The following COL19A1 variants were observed in gnomAD, a reference collection of about 807,000 sequenced individuals.
The protein encoded by COL19A1 is collagen type XIX alpha 1 chain, also known as collagen alpha-1(XIX) chain.
In COL19A1, 159 loss-of-function variants were observed where a neutral mutation model predicts 190.2. The observed-to-expected ratio is 0.84, with a 90% CI of 0.73 to 0.95. The LOEUF (loss-of-function observed/expected upper bound fraction) is 0.95, where lower values mean the gene tolerates loss of function less well. COL19A1 is among the 40% of genes least tolerant of loss of function. The probability of loss-of-function intolerance (pLI) is 0.00; values close to 1 mark genes in which losing one functional copy is unlikely to be tolerated. For missense variants in COL19A1, 1,418 were observed against 1,431.9 expected (o/e 0.99, Z 0.16); for synonymous variants, 509 against 458.9 (o/e 1.11, Z -1.39).
chr6:69,868,259 G>A (rs1471792863), intron 1 of COL19A1, among the ~76,000 whole-genome samples: 1 of 151,662 alleles, frequency 6.6e-6, no homozygotes, highest in African/African-American at 2.4e-5. Flanking sequence ...GCATCTCCTT[G>A]TTTTTGAGTG....
At chr6:69,877,950 G>T (rs1380734830) in intron 1 of COL19A1, among the ~76,000 whole-genome samples, 1 of 151,994 alleles carries the variant, frequency 6.6e-6, no homozygotes, top group Non-Finnish European at 1.5e-5. Flanking sequence ...AGTGGAGGTT[G>T]CAGTGAGCCG....
intron 15 of COL19A1, among the ~76,000 whole-genome samples, chr6:70,086,218 C>T (rs1251709388): frequency 4.6e-5 from 7 of 152,044 alleles, no homozygotes; most frequent in African/African-American, 1.7e-4. Flanking sequence ...CTATCCACAA[C>T]AGAATTCAGC....
intron 31 of COL19A1, among the ~76,000 whole-genome samples, chr6:70,152,262 C>T (rs1221360078): frequency 6.6e-6 from 1 of 151,906 alleles, no homozygotes; most frequent in Non-Finnish European, 1.5e-5. Context: ...ACACAGACTA[C>T]AGTTATATAT....
chr6:69,896,970 G>A (rs1455579854), intron 2 of COL19A1, among the ~76,000 whole-genome samples: 1 of 152,082 alleles, frequency 6.6e-6, no homozygotes, highest in Non-Finnish European at 1.5e-5. Context: ...TGCCTTTTGA[G>A]TAAAGATGTT....
At chr6:69,902,312 G>A (rs995883530) in intron 4 of COL19A1, among the ~76,000 whole-genome samples, 2 of 152,174 alleles carry the variant, frequency 1.3e-5, no homozygotes, top group Admixed American at 6.5e-5. Flanking sequence ...TATTTTATAT[G>A]GAAAATGGGG....
At chr6:70,091,862 G>T (rs553109004) in intron 15 of COL19A1, among the ~76,000 whole-genome samples, 4 of 152,272 alleles carry the variant, frequency 2.6e-5, no homozygotes, top group African/African-American at 7.2e-5. Context: ...CTGAGGGAAG[G>T]TAAATTGTAA....
rs142203030 is a variant in COL19A1 at position 70,105,196 on chromosome 6, G to A, written c.1278+2974G>A. On this transcript the variant is annotated intron_variant, in intron 16 of 50. Transcript: ENST00000620364. ...AAATTAGGAAAAAATCTATGCAGAA[G>A]ACAAAGTGTTTACTTTGGTGGCATG... Among the ~76,000 whole-genome samples, 666 of 152,210 alleles carry A rather than the reference G, an allele frequency of 4.4e-3. 9 individuals are homozygous for A. Among genetic ancestry groups the A allele is most frequent in the African/African-American group, 0.015 (629 of 41,536 alleles).
chr6:70,155,214 A>G (rs1003479089), intron 31 of COL19A1, among the ~76,000 whole-genome samples: 1 of 152,146 alleles, frequency 6.6e-6, no homozygotes, highest in Non-Finnish European at 1.5e-5. Context: ...CTTCTTATCA[A>G]TAACAAGCTT....
At chr6:70,079,566 G>A (rs1295931758) in intron 15 of COL19A1, among the ~76,000 whole-genome samples, 1 of 152,158 alleles carries the variant, frequency 6.6e-6, no homozygotes. Context: ...AGAAAAGTGG[G>A]AGAATAAGAA....
chr6:70,000,661 G>A (rs557177599), intron 11 of COL19A1, among the ~76,000 whole-genome samples: 4 of 152,272 alleles, frequency 2.6e-5, no homozygotes, highest in South Asian at 2.1e-4. Context: ...CCACATAAAC[G>A]TCTTCTTTTG....
Position 70,165,819 on chromosome 6 carries a change from T to C in COL19A1, c.2401-122T>C, listed in dbSNP as rs1245884699. 4.4e-6 allele frequency: 4 copies of C among 907,994 alleles called. No individual in the cohort carries two copies. In the African/African-American group the frequency reaches 6.6e-5, roughly 15 times the overall value. The allele number at this position is 907,994 out of a possible 1,614,324, so 56.2% of individuals were successfully genotyped here. On this transcript the variant is annotated intron_variant, in intron 36 of 50. Coordinates refer to ENST00000620364, the MANE Select transcript of COL19A1 (RefSeq NM_001858.6). Reference sequence around the variant, plus strand: ...GCCCAGCTGAATAAGACTACAAGGCTGAAACAACATGGCAAGTCATATCGA... The same window carrying C: ...GCCCAGCTGAATAAGACTACAAGGCCGAAACAACATGGCAAGTCATATCGA...
At chr6:70,157,097 C>T (rs1167851944) in intron 34 of COL19A1, among the ~76,000 whole-genome samples, 12 of 152,070 alleles carry the variant, frequency 7.9e-5, no homozygotes, top group Admixed American at 7.9e-4. Context: ...GGACAACCAG[C>T]CTAGCAGTAA....
At chr6:70,144,164 A>G (rs758526856) in intron 23 of COL19A1, 46 bp from the exon 24 acceptor site, 2 of 1,482,752 alleles carry the variant, frequency 1.3e-6, no homozygotes, top group South Asian at 2.3e-5. Context: ...ATGTTATTGT[A>G]AGAGATGTTC....
chr6:69,980,102 G>T (rs936868322), intron 11 of COL19A1, among the ~76,000 whole-genome samples: 1 of 151,904 alleles, frequency 6.6e-6, no homozygotes, highest in Non-Finnish European at 1.5e-5. Context: ...ACTAAAAATA[G>T]TCAAAAATTT....
At chr6:70,180,900 AGTTATT>A (rs1404829227) in intron 44 of COL19A1, among the ~76,000 whole-genome samples, 5 of 152,204 alleles carry the variant, frequency 3.3e-5, no homozygotes, top group African/African-American at 1.2e-4. Flanking sequence ...CTAAAGTAGA[AGTTATT>A]TTCTCAAATT....
rs1462668759 is a variant in COL19A1 at position 70,140,997 on chromosome 6, G to T, written c.1482+8G>T. The T allele has an allele frequency of 6.2e-7, 1 of 1,607,488 alleles. No individual in the cohort carries two copies. Among genetic ancestry groups the T allele is most frequent in the South Asian group, 1.1e-5 (1 of 90,562 alleles). ...GGAGAAAAAGGAGATAGAGTAAGTA[G>T]ATATTTTATCACTACCTTGGGTTTT... On this transcript the variant is annotated splice_region_variant and intron_variant, in intron 20 of 50. Transcript: ENST00000620364.
Position 70,152,819 on chromosome 6 carries a change from A to G in COL19A1, c.2079+1381A>G, listed in dbSNP as rs150005244. Among the ~76,000 whole-genome samples, 35 of 152,288 alleles carry G rather than the reference A, an allele frequency of 2.3e-4. No homozygotes were observed. In the East Asian group the frequency reaches 6.8e-3, roughly 29 times the overall value. ...ATAGCAGGATTGCCGGAGTTATATC[A>G]TTTCAGAATACTTAGGGTTCTTTAA... is the stretch of plus-strand genomic sequence containing the variant. On this transcript the variant is annotated intron_variant, in intron 31 of 50. Transcript: ENST00000620364.
intron 15 of COL19A1, among the ~76,000 whole-genome samples, chr6:70,077,721 A>G (rs1781963646): frequency 6.6e-6 from 1 of 152,198 alleles, no homozygotes; most frequent in Non-Finnish European, 1.5e-5. Context: ...GATGTTAACA[A>G]TGTGTCTATG....
At chr6:70,038,847 T>C (rs1779488059) in intron 14 of COL19A1, among the ~76,000 whole-genome samples, 1 of 152,092 alleles carries the variant, frequency 6.6e-6, no homozygotes. Flanking sequence ...CCTTTTCCCA[T>C]AGATCAATGG....
Sources: allele counts gnomAD v4.1 joint callset (sites outside exome capture counted in the v4.1 genomes callset), GRCh38; gene constraint gnomAD v4.1.1; transcripts MANE v1.5; gene names NCBI Gene and HGNC (gene_info 2026-07-23, HGNC 2026-07-21).